Variants in COL22A1 observed in about 807,000 individuals in gnomAD.
COL22A1 encodes the protein collagen type XXII alpha 1 chain.
Under a neutral mutation model 248.9 loss-of-function variants are expected in COL22A1, and 221 were observed. The observed-to-expected ratio is 0.89, with a 90% CI of 0.80 to 0.99. The LOEUF is 0.99. COL22A1 is among the 50% of genes least tolerant of loss of function. The pLI is 0.00. For synonymous variants in COL22A1, 891 were observed against 793.4 expected, an observed-to-expected ratio of 1.12 and a Z score of -2.07; for missense variants, 2,240 against 2,179.0, an observed-to-expected ratio of 1.03 and a Z score of -0.56.
Position 138,878,258 on chromosome 8 carries a change from G to T in COL22A1, c.150C>A (p.Gly50=). The T allele has an allele frequency of 6.3e-7, 1 of 1,585,748 alleles. No homozygotes were observed. The highest frequency in any genetic ancestry group is 1.8e-5 in the Admixed American group (1 of 56,814). ...GCCGGACCTTCTCAAAGTCCTCCTTGCCCACGCTGGAGGAGGTGTCCAGGA... is the reference window on the plus strand; with the variant it reads ...GCCGGACCTTCTCAAAGTCCTCCTTTCCCACGCTGGAGGAGGTGTCCAGGA... ...VFLLDTSSSV[G]KEDFEKVRQW... is the part of the protein sequence containing the mutation. The change falls in exon 3 of 65, where the codon GGC becomes GGA. Residue 50 remains glycine (G), a synonymous_variant. Coordinates refer to ENST00000303045, the MANE Select transcript of COL22A1 (RefSeq NM_152888.3).
intron 12 of COL22A1, among the ~76,000 whole-genome samples, chr8:138,784,946 C>T (rs546480356): frequency 6.6e-5 from 10 of 152,256 alleles, no homozygotes; most frequent in African/African-American, 1.9e-4. Flanking sequence ...TAATAGTGTC[C>T]GAACTCACAT....
intron 45 of COL22A1, 123 bp downstream of exon 45, chr8:138,655,774 G>T: frequency 1.2e-6 from 1 of 823,866 alleles, no homozygotes; most frequent in South Asian, 1.4e-5. Context: ...TCAACTAATG[G>T]CGCTGCTGTT....
intron 2 of COL22A1, among the ~76,000 whole-genome samples, chr8:138,882,169 C>T (rs1302308679): frequency 6.6e-6 from 1 of 152,108 alleles, no homozygotes; most frequent in Admixed American, 6.5e-5. Context: ...TTGGTAGAGA[C>T]AGGCTCACAA....
intron 10 of COL22A1, among the ~76,000 whole-genome samples, chr8:138,806,026 GTGGT>G (rs1563787923): frequency 4.2e-4 from 56 of 134,214 alleles, no homozygotes; most frequent in Middle Eastern, 4.2e-3. Flanking sequence ...GTAATGGTGT[GTGGT>G]TGTGTGTGTG....
At chr8:138,785,514 G>T (rs946706777) in intron 12 of COL22A1, among the ~76,000 whole-genome samples, 2 of 152,180 alleles carry the variant, frequency 1.3e-5, no homozygotes, top group Non-Finnish European at 2.9e-5. Context: ...GGCCGCTGGG[G>T]GTGACTCGCC....
At chr8:138,606,043 C>T (rs1818392123) in intron 58 of COL22A1, among the ~76,000 whole-genome samples, 1 of 152,210 alleles carries the variant, frequency 6.6e-6, no homozygotes, top group Admixed American at 6.5e-5. Context: ...GGGTCAGGAA[C>T]CATTGCTGAT....
intron 1 of COL22A1, among the ~76,000 whole-genome samples, chr8:138,902,320 C>T (rs2132163241): frequency 6.6e-6 from 1 of 152,310 alleles, no homozygotes; most frequent in Admixed American, 6.5e-5. Context: ...AGGCCCCAGC[C>T]AGGTCCCTCA....
chr8:138,704,744 C>T (rs1334585437), intron 30 of COL22A1, among the ~76,000 whole-genome samples: 2 of 152,174 alleles, frequency 1.3e-5, no homozygotes, highest in Non-Finnish European at 1.5e-5. Flanking sequence ...TGCAGCTCCT[C>T]GCCAGCAATG....
chr8:138,613,815 GT>G, intron 56 of COL22A1, 51 bp downstream of exon 56: 2 of 1,465,466 alleles, frequency 1.4e-6, no homozygotes, highest in East Asian at 2.3e-5. Context: ...TATCATTGTG[GT>G]AAAAGGTCCT....
At chr8:138,622,884 C>T (rs184039893) in intron 52 of COL22A1, among the ~76,000 whole-genome samples, 94 of 151,936 alleles carry the variant, frequency 6.2e-4, no homozygotes, top group Non-Finnish European at 1.2e-3. Context: ...TTTGGAGAAC[C>T]CAGGTCTCTA....
At chr8:138,687,469 T>C (rs968762456) in intron 37 of COL22A1, among the ~76,000 whole-genome samples, 10 of 152,334 alleles carry the variant, frequency 6.6e-5, no homozygotes, top group Admixed American at 3.9e-4. Flanking sequence ...AGGCACCAAG[T>C]AGATGAACTT....
chr8:138,768,747 C>T (rs908920504), intron 16 of COL22A1, among the ~76,000 whole-genome samples: 3 of 151,976 alleles, frequency 2.0e-5, no homozygotes, highest in African/African-American at 7.3e-5. Context: ...ACCAGCCTGG[C>T]CAACATAGTG....
intron 16 of COL22A1, among the ~76,000 whole-genome samples, chr8:138,768,872 G>T (rs191513157): frequency 6.6e-6 from 1 of 152,070 alleles, no homozygotes; most frequent in Non-Finnish European, 1.5e-5. Context: ...AGGAGGCAGA[G>T]GTTTCAGTGA....
chr8:138,910,006 C>T (rs1239389729), intron 1 of COL22A1, among the ~76,000 whole-genome samples: 1 of 152,210 alleles, frequency 6.6e-6, no homozygotes, highest in Non-Finnish European at 1.5e-5. Context: ...CAGCAGCAGG[C>T]AGGGACTGGT....
At chr8:138,648,924 T>C (rs1214886610) in intron 46 of COL22A1, among the ~76,000 whole-genome samples, 1 of 152,240 alleles carries the variant, frequency 6.6e-6, no homozygotes, top group African/African-American at 2.4e-5. Flanking sequence ...CTTAGCTATA[T>C]AAAAGAGTGA....
Position 138,877,846 on chromosome 8 carries a change from T to C in COL22A1, c.562A>G (p.Ile188Val). The stretch of plus-strand genomic sequence containing the variant: ...TGGGCGGACTTGGGCTCTGAGGCGA[T>C]CTCCTCCAGCTCCTCCTTGAGTGCC... ...GEALKEELEE[I>V]ASEPKSAHVF... Residue 188 changes from isoleucine (I) to valine (V), a missense_variant, in exon 3 of 65, where the codon ATC becomes GTC. Physicochemically the swap from Ile to Val is conservative, Grantham distance 29 (BLOSUM62 3). Transcript: ENST00000303045. The C allele has an allele frequency of 1.2e-6, 2 of 1,613,430 alleles. No individual in the cohort carries two copies. Among genetic ancestry groups the C allele is most frequent in the Non-Finnish European group, 1.7e-6 (2 of 1,179,780 alleles).
chr8:138,762,637 A>G (rs895011978), intron 16 of COL22A1, among the ~76,000 whole-genome samples, 171 bp from the exon 17 acceptor site: 1 of 151,756 alleles, frequency 6.6e-6, no homozygotes, highest in African/African-American at 2.4e-5. Flanking sequence ...TGTGTCTTGG[A>G]GGACAAGGAA....
intron 11 of COL22A1, among the ~76,000 whole-genome samples, chr8:138,798,571 CTCTTTTTGTGCTATTAT>C (rs1816748239): frequency 6.6e-6 from 1 of 151,988 alleles, no homozygotes; most frequent in South Asian, 2.1e-4. Flanking sequence ...CCCTTCTTCC[CTCTTTTTGTGCTATTAT>C]TTTTATGCGT....
chr8:138,658,866 A>ATCTTCTCTCTTCTCTCTTCTC (rs138800901), intron 44 of COL22A1, among the ~76,000 whole-genome samples: 2,135 of 150,912 alleles, frequency 0.014, 57 homozygotes, highest in African/African-American at 0.049. Context: ...AATCTAACAG[A>ATCTTCTCTCTTCTCTCTTCTC]TCTTCTCTCT....
Sources: gnomAD v4.1 joint callset for allele counts (sites outside exome capture counted in the v4.1 genomes callset) on GRCh38, gnomAD v4.1.1 for gene constraint, MANE v1.5 for transcripts, NCBI Gene and HGNC (gene_info 2026-07-23, HGNC 2026-07-21) for gene names.